The following CNTNAP4 variants were observed in gnomAD, a reference collection of about 807,000 sequenced individuals.
CNTNAP4 encodes contactin associated protein family member 4, also known as contactin-associated protein-like 4.
CNTNAP4 carries 98 observed loss-of-function variants against 148.4 expected under a neutral mutation model. The ratio of observed to expected loss-of-function variants is 0.66; its 90% confidence interval spans 0.56 to 0.78. The LOEUF (loss-of-function observed/expected upper bound fraction) is 0.78. Ranked by LOEUF, CNTNAP4 falls within the 30% of genes least tolerant of loss-of-function variation. CNTNAP4 has a pLI of 0.00. For missense variants in CNTNAP4, 1,935 were observed against 1,565.6 expected, an observed-to-expected ratio of 1.24 and a Z score of -3.98; for synonymous variants, 730 against 565.1, an observed-to-expected ratio of 1.29 and a Z score of -4.14.
chr16:76,279,410 T>C (rs567005081), intron 1 of CNTNAP4, among the ~76,000 whole-genome samples: 1 of 152,344 alleles, frequency 6.6e-6, no homozygotes, highest in Non-Finnish European at 1.5e-5. Context: ...GTGTAGGGTG[T>C]ACATCAACAT....
intron 15 of CNTNAP4, among the ~76,000 whole-genome samples, chr16:76,514,436 A>G (rs934611774): frequency 6.6e-6 from 1 of 152,244 alleles, no homozygotes; most frequent in Non-Finnish European, 1.5e-5. Context: ...GTGCAAAACT[A>G]GTATAAGACT....
At chr16:76,316,223 CTT>C in intron 1 of CNTNAP4, 188 bp from the exon 2 acceptor site, 1 of 620,080 alleles carries the variant, frequency 1.6e-6, no homozygotes, top group Non-Finnish European at 2.9e-6. Context: ...ATTCTCCTGT[CTT>C]TAAGTTTTTT....
At chr16:76,440,975 G>A (rs991935518) in intron 4 of CNTNAP4, among the ~76,000 whole-genome samples, 2 of 152,122 alleles carry the variant, frequency 1.3e-5, no homozygotes, top group African/African-American at 4.8e-5. Context: ...CATGAGGGGT[G>A]TGTGTGTATG....
chr16:76,388,347 A>G (rs143279520), intron 3 of CNTNAP4, among the ~76,000 whole-genome samples: 3 of 152,332 alleles, frequency 2.0e-5, no homozygotes, highest in African/African-American at 7.2e-5. Context: ...CAAACAAATA[A>G]AAAACAACTT....
intron 19 of CNTNAP4, among the ~76,000 whole-genome samples, chr16:76,538,663 A>G (rs1340925183): frequency 6.6e-6 from 1 of 151,960 alleles, no homozygotes; most frequent in African/African-American, 2.4e-5. Flanking sequence ...TTCATAGTTC[A>G]TTTTGAAATA....
chr16:76,455,352 C>T (rs1366594754), intron 8 of CNTNAP4, among the ~76,000 whole-genome samples: 1 of 152,188 alleles, frequency 6.6e-6, no homozygotes, highest in Non-Finnish European at 1.5e-5. Flanking sequence ...ATGGGCAGGG[C>T]CTGGCAGAGG....
chr16:76,557,086 A>T (rs1324122184), intron 23 of CNTNAP4, among the ~76,000 whole-genome samples: 1 of 152,190 alleles, frequency 6.6e-6, no homozygotes, highest in African/African-American at 2.4e-5. Context: ...TTTTTGTCTT[A>T]AGAAAATGAC....
intron 15 of CNTNAP4, among the ~76,000 whole-genome samples, chr16:76,520,682 ACT>A (rs1254988035): frequency 6.6e-6 from 1 of 152,132 alleles, no homozygotes; most frequent in Non-Finnish European, 1.5e-5. Context: ...AGTTTATGTA[ACT>A]CTGTGAAGTG....
intron 3 of CNTNAP4, among the ~76,000 whole-genome samples, chr16:76,362,843 C>A (rs1597322578): frequency 6.6e-6 from 1 of 152,038 alleles, no homozygotes; most frequent in Non-Finnish European, 1.5e-5. Context: ...TACATAAAAC[C>A]ACTGTGACAT....
At chr16:76,443,625 T>C (rs2080126297) in intron 4 of CNTNAP4, among the ~76,000 whole-genome samples, 1 of 152,144 alleles carries the variant, frequency 6.6e-6, no homozygotes, top group South Asian at 2.1e-4. Context: ...TTACAAAAGA[T>C]AGGAGTAAGT....
At chr16:76,510,461 C>A (rs1409886070) in intron 15 of CNTNAP4, among the ~76,000 whole-genome samples, 2 of 123,430 alleles carry the variant, frequency 1.6e-5, no homozygotes, top group Non-Finnish European at 3.8e-5. Flanking sequence ...TGTGGACATC[C>A]ATGTATGCTT....
At chr16:76,302,669 A>T (rs151122356) in intron 1 of CNTNAP4, among the ~76,000 whole-genome samples, 24 of 152,290 alleles carry the variant, frequency 1.6e-4, no homozygotes, top group African/African-American at 5.5e-4. Context: ...CTGCAAGATT[A>T]GTTTTGCTAT....
In CNTNAP4 at chr16:76,317,265, C is replaced by CA. The variant is rs1302355658; in HGVS notation, c.196+753dup. ...GAGACCCTGTCTCAAAAAAAAAAAACAAAAAAAAAAACCAAAAAAAAAAAA... is the reference window on the plus strand; with the variant it reads ...GAGACCCTGTCTCAAAAAAAAAAAACAAAAAAAAAAAACCAAAAAAAAAAAA... On this transcript the variant is annotated intron_variant, in intron 2 of 23. Coordinates refer to ENST00000611870, the MANE Select transcript of CNTNAP4 (RefSeq NM_033401.5). Among the ~76,000 whole-genome samples the CA allele has an allele frequency of 6.5e-3, 289 of 44,240 alleles. 1 individual carries two copies. Among genetic ancestry groups the CA allele is most frequent in the Admixed American group, 0.04 (174 of 4,312 alleles). 29.0% of individuals were successfully genotyped at this position (44,240 alleles called of 152,430 possible).
chr16:76,363,223 G>T (rs575275420), intron 3 of CNTNAP4, among the ~76,000 whole-genome samples: 29 of 150,508 alleles, frequency 1.9e-4, no homozygotes, highest in Non-Finnish European at 3.7e-4. Flanking sequence ...TGCAGTGGCA[G>T]TGGATCCCGG....
At chr16:76,480,077 G>T (rs924469516) in intron 12 of CNTNAP4, among the ~76,000 whole-genome samples, 1 of 151,880 alleles carries the variant, frequency 6.6e-6, no homozygotes, top group Non-Finnish European at 1.5e-5. Flanking sequence ...TCCCATTACC[G>T]GCTTTAATAC....
Position 76,553,453 on chromosome 16 carries a change from C to T in CNTNAP4, c.3613C>T (p.Gln1205Ter), listed in dbSNP as rs751084404. ...CGTGACTGAGTCCAGCTGTATGGCC[C>T]AGCCTGGCACTGATGCCACATCAAG... ...GHVTESSCMA[Q>*]PGTDATSRER... is the part of the protein sequence containing the mutation. The change falls in exon 22 of 24, where the codon CAG becomes TAG. Residue 1205 changes from glutamine (Q) to a stop codon, truncating the protein, a stop_gained. Coordinates refer to ENST00000611870, the MANE Select transcript of CNTNAP4 (RefSeq NM_033401.5). LOFTEE classifies it high-confidence loss of function. 6.2e-7 allele frequency: 1 copy of T among 1,612,548 alleles called. No homozygotes were observed. Among genetic ancestry groups the T allele is most frequent in the South Asian group, 1.1e-5 (1 of 90,610 alleles).
chr16:76,538,893 C>T (rs1329473297), intron 19 of CNTNAP4, among the ~76,000 whole-genome samples: 1 of 151,998 alleles, frequency 6.6e-6, no homozygotes, highest in Non-Finnish European at 1.5e-5. Context: ...CCATTTACTG[C>T]TATTTTTCTC....
intron 7 of CNTNAP4, 97 bp from the exon 8 acceptor site, chr16:76,452,411 T>C: frequency 8.1e-7 from 1 of 1,231,316 alleles, no homozygotes; most frequent in South Asian, 1.4e-5. Flanking sequence ...TTGTTTTAAA[T>C]CGCGGATAAT....
intron 3 of CNTNAP4, among the ~76,000 whole-genome samples, chr16:76,388,156 C>G (rs528746300): frequency 2.0e-5 from 3 of 152,228 alleles, no homozygotes; most frequent in East Asian, 1.9e-4. Flanking sequence ...GTGGATTTAG[C>G]CAGATCAGCA....
Sources: gnomAD v4.1 joint callset for allele counts (sites outside exome capture counted in the v4.1 genomes callset) on GRCh38, gnomAD v4.1.1 for gene constraint, MANE v1.5 for transcripts, NCBI Gene and HGNC (gene_info 2026-07-23, HGNC 2026-07-21) for gene names.